The following QSOX1 variants were observed in gnomAD, a reference collection of about 807,000 sequenced individuals.
QSOX1 encodes the protein sulfhydryl oxidase 1.
QSOX1 carries 40 observed loss-of-function variants against 76.1 expected under a neutral mutation model. That is an observed-to-expected ratio of 0.53 (90% CI 0.41 to 0.68). QSOX1 has a LOEUF of 0.68. Among genes scored for constraint, QSOX1 ranks in the 30% least tolerant of loss-of-function variants. QSOX1 has a pLI of 0.00. For synonymous variants in QSOX1, 392 were observed against 413.1 expected (o/e 0.95, Z 0.62); for missense variants, 931 against 974.3 (o/e 0.96, Z 0.59).
At chr1:180,155,324 A>C in intron 1 of QSOX1, 152 bp downstream of exon 1, 2 of 729,760 alleles carry the variant, frequency 2.7e-6, no homozygotes, top group Non-Finnish European at 4.1e-6. Context: ...CACCACCTTC[A>C]TGTTTCTCAG....
chr1:180,166,534 G>C lies in QSOX1; in HGVS notation c.309G>C (p.Glu103Asp). Reference protein sequence around the residue: ...ALYLAALDCAEETNSAVCRDF... With the variant: ...ALYLAALDCADETNSAVCRDF... ...ATCTCGCCGCCCTGGACTGTGCTGA[G>C]GAGACCAACAGTGCAGTCTGCAGAG... Residue 103 changes from glutamate (E) to aspartate (D), a missense_variant, in exon 2 of 12, where the codon GAG becomes GAC. Glu to Asp is a conservative substitution (Grantham distance 45, BLOSUM62 2). Transcript: ENST00000367602. 6.2e-7 allele frequency: 1 copy of C among 1,614,152 alleles called. No homozygotes were observed. Among genetic ancestry groups the C allele is most frequent in the South Asian group, 1.1e-5 (1 of 91,084 alleles).
At chr1:180,180,602 C>T (rs1291070253) in intron 5 of QSOX1, among the ~76,000 whole-genome samples, 2 of 152,384 alleles carry the variant, frequency 1.3e-5, no homozygotes, top group Admixed American at 1.3e-4. Context: ...GCAAGCTCCA[C>T]CTGTCAGGTT....
chr1:180,193,310 G>A (rs1045942735), intron 10 of QSOX1, among the ~76,000 whole-genome samples: 6 of 152,036 alleles, frequency 3.9e-5, no homozygotes, highest in East Asian at 2.0e-4. Flanking sequence ...CGCCAGGGCC[G>A]TGTGGTGAGG....
At chr1:180,158,644 AAACT>A (rs1323639519) in intron 1 of QSOX1, among the ~76,000 whole-genome samples, 2 of 152,086 alleles carry the variant, frequency 1.3e-5, no homozygotes, top group Non-Finnish European at 2.9e-5. Context: ...GACAGGGCAT[AAACT>A]AACTCTCTGT....
chr1:180,191,882 C>G (rs1196334521), intron 10 of QSOX1, among the ~76,000 whole-genome samples: 3 of 152,002 alleles, frequency 2.0e-5, no homozygotes, highest in Non-Finnish European at 4.4e-5. Flanking sequence ...GTTCTGGAGG[C>G]TGAAGTGCAA....
At chr1:180,175,835 C>G in intron 3 of QSOX1, 96 bp from the exon 4 acceptor site, 1 of 954,506 alleles carries the variant, frequency 1.0e-6, no homozygotes, top group Non-Finnish European at 1.6e-6. Flanking sequence ...CTGGCTGTGC[C>G]CTCGGCCCTT....
At chr1:180,157,829 A>T (rs1396082883) in intron 1 of QSOX1, among the ~76,000 whole-genome samples, 1 of 152,204 alleles carries the variant, frequency 6.6e-6, no homozygotes, top group Non-Finnish European at 1.5e-5. Context: ...CATTGTTTGC[A>T]TTGCAGTTGG....
chr1:180,176,517 G>T (rs1664001217), intron 4 of QSOX1, among the ~76,000 whole-genome samples: 1 of 152,178 alleles, frequency 6.6e-6, no homozygotes, highest in African/African-American at 2.4e-5. Context: ...TGGGGCATGG[G>T]GGTGGCCCCT....
chr1:180,175,798 C>A, intron 3 of QSOX1, 133 bp from the exon 4 acceptor site: 1 of 704,532 alleles, frequency 1.4e-6, no homozygotes, highest in South Asian at 1.8e-5. Flanking sequence ...CAGGGAAGGA[C>A]TGACGCCTCG....
At chr1:180,166,108 G>A (rs1221040275) in intron 1 of QSOX1, among the ~76,000 whole-genome samples, 1 of 150,768 alleles carries the variant, frequency 6.6e-6, no homozygotes, top group African/African-American at 2.4e-5. Context: ...CCCATTTAGA[G>A]CCCCAGGGAC....
chr1:180,203,977 G>A lies in QSOX1; in HGVS notation c.*6940G>A, dbSNP rs1277073389. Reference sequence around the variant, plus strand: ...ATTTTGGTTTTTAACAACTTCTGTTGTAAATAATAAAAGCACTAAATCCCT... The same window carrying A: ...ATTTTGGTTTTTAACAACTTCTGTTATAAATAATAAAAGCACTAAATCCCT... On this transcript the variant is annotated 3_prime_UTR_variant, in exon 12 of 12. Transcript: ENST00000367602. 2 of 152,122 alleles carry A rather than the reference G, an allele frequency of 1.3e-5. No individual in the cohort carries two copies. Among genetic ancestry groups the A allele is most frequent in the Non-Finnish European group, 2.9e-5 (2 of 68,024 alleles). 9.4% of individuals were successfully genotyped at this position (152,122 alleles called of 1,614,324 possible).
At chr1:180,179,613 C>T (rs1428524071) in intron 5 of QSOX1, among the ~76,000 whole-genome samples, 3 of 152,282 alleles carry the variant, frequency 2.0e-5, no homozygotes, top group Non-Finnish European at 2.9e-5. Context: ...TCATGGACTT[C>T]TCCATAGACC....
At chr1:180,172,445 A>G (rs926595649) in intron 2 of QSOX1, among the ~76,000 whole-genome samples, 1 of 151,848 alleles carries the variant, frequency 6.6e-6, no homozygotes, top group Admixed American at 6.6e-5. Context: ...CCCCTGGGCC[A>G]CTCTGGCTGA....
chr1:180,160,434 T>A (rs950933611), intron 1 of QSOX1, among the ~76,000 whole-genome samples: 2 of 151,666 alleles, frequency 1.3e-5, no homozygotes, highest in Non-Finnish European at 2.9e-5. Flanking sequence ...AGTCTGACTC[T>A]ATAAAAGGGA....
At chr1:180,184,135 A>T in intron 7 of QSOX1, 85 bp downstream of exon 7, 9 of 1,492,082 alleles carry the variant, frequency 6.0e-6, no homozygotes, top group Non-Finnish European at 8.3e-6. Flanking sequence ...CCTCTTGCTC[A>T]TTCTTCTTCC....
chr1:180,194,084 C>A, intron 10 of QSOX1, 129 bp from the exon 11 acceptor site: 1 of 745,630 alleles, frequency 1.3e-6, no homozygotes, highest in Non-Finnish European at 2.1e-6. Flanking sequence ...CTGGCATAGG[C>A]TGGGGTGTGT....
At chr1:180,155,195 T>C in intron 1 of QSOX1, 23 bp downstream of exon 1, 1 of 1,466,768 alleles carries the variant, frequency 6.8e-7, no homozygotes, top group Non-Finnish European at 9.0e-7. Context: ...GGCGGCCCGC[T>C]CCCCCGTGCC....
chr1:180,158,032 T>G (rs1328254879), intron 1 of QSOX1, among the ~76,000 whole-genome samples: 2 of 152,268 alleles, frequency 1.3e-5, no homozygotes, highest in African/African-American at 4.8e-5. Flanking sequence ...AGCACTTTGC[T>G]AAGGGCCTTC....
intron 7 of QSOX1, 135 bp from the exon 8 acceptor site, chr1:180,185,918 C>T (rs1663157884): frequency 5.6e-6 from 6 of 1,078,684 alleles, no homozygotes. Context: ...TGGCAGAAGC[C>T]AGTGGTAACT....
Sources: gnomAD v4.1 joint callset for allele counts (sites outside exome capture counted in the v4.1 genomes callset) on GRCh38, gnomAD v4.1.1 for gene constraint, MANE v1.5 for transcripts, NCBI Gene and HGNC (gene_info 2026-07-23, HGNC 2026-07-21) for gene names.